Variants in ARHGAP42 observed in about 807,000 individuals in gnomAD.
ARHGAP42 encodes the protein rho GTPase-activating protein 42.
ARHGAP42 carries 63 observed loss-of-function variants against 125.0 expected under a neutral mutation model. The ratio of observed to expected loss-of-function variants is 0.50; its 90% CI spans 0.41 to 0.62. The LOEUF (loss-of-function observed/expected upper bound fraction) is 0.62. Ranked by LOEUF, ARHGAP42 falls within the 20% of genes least tolerant of loss-of-function variation. The pLI, the probability that ARHGAP42 is intolerant of heterozygous loss-of-function variation, is 0.00. For synonymous variants in ARHGAP42, 339 were observed against 351.0 expected, an observed-to-expected ratio of 0.97 and a Z score of 0.38; for missense variants, 766 against 1,024.2, an observed-to-expected ratio of 0.75 and a Z score of 3.44.
intron 1 of ARHGAP42, among the ~76,000 whole-genome samples, chr11:100,744,222 G>A (rs1367800341): frequency 6.6e-6 from 1 of 152,212 alleles, no homozygotes; most frequent in Non-Finnish European, 1.5e-5. Flanking sequence ...ACCCGCCTCA[G>A]CCTCCCAAAG....
intron 1 of ARHGAP42, among the ~76,000 whole-genome samples, chr11:100,765,657 A>T (rs1373239737): frequency 1.3e-5 from 2 of 152,182 alleles, no homozygotes; most frequent in Non-Finnish European, 2.9e-5. Context: ...TCACACCCCT[A>T]CTGGACTGTG....
At chr11:100,980,051 CTT>C (rs1002214189) in intron 22 of ARHGAP42, among the ~76,000 whole-genome samples, 3 of 152,140 alleles carry the variant, frequency 2.0e-5, no homozygotes, top group African/African-American at 7.2e-5. Context: ...TTCAAACTCT[CTT>C]TGGTTTTGTT....
At chr11:100,923,568 G>A (rs994001263) in intron 6 of ARHGAP42, among the ~76,000 whole-genome samples, 5 of 151,302 alleles carry the variant, frequency 3.3e-5, no homozygotes, top group South Asian at 2.1e-4. Context: ...AAAAATGTTC[G>A]TTCACAGGTG....
intron 1 of ARHGAP42, among the ~76,000 whole-genome samples, chr11:100,693,079 T>A: frequency 6.6e-6 from 1 of 152,124 alleles, no homozygotes; most frequent in East Asian, 1.9e-4. Flanking sequence ...GTTACTGCCC[T>A]ATTTACTTGG....
intron 4 of ARHGAP42, among the ~76,000 whole-genome samples, chr11:100,911,980 G>T (rs915513226): frequency 1.4e-4 from 21 of 152,120 alleles, no homozygotes; most frequent in African/African-American, 4.6e-4. Flanking sequence ...TAAAAGTGAT[G>T]TGAACTCTTA....
intron 1 of ARHGAP42, among the ~76,000 whole-genome samples, chr11:100,750,616 G>T (rs1418052742): frequency 6.6e-6 from 1 of 151,292 alleles, no homozygotes; most frequent in Non-Finnish European, 1.5e-5. Context: ...AACTAATTAC[G>T]ATTGGCTAAT....
At position 100,989,706 on chromosome 11, in the gene ARHGAP42, C is replaced by T. The variant is rs188346523; in HGVS notation, c.*905C>T. 6.6e-6 allele frequency: 1 copy of T among 152,190 alleles called. No individual in the cohort carries two copies. Among genetic ancestry groups the T allele is most frequent in the Non-Finnish European group, 1.5e-5 (1 of 68,034 alleles). 9.4% of individuals were successfully genotyped at this position (152,190 alleles called of 1,614,324 possible). A position where few individuals can be genotyped will look rare whatever the true frequency, so the allele number is the denominator to read the frequency against. Reference sequence around the variant, plus strand: ...CAATGATGGGGAAACTGTAAAACTACAGTATCAAGGCATACAACTTAAATT... The same window carrying T: ...CAATGATGGGGAAACTGTAAAACTATAGTATCAAGGCATACAACTTAAATT... On this transcript the variant is annotated 3_prime_UTR_variant, in exon 24 of 24. Coordinates refer to ENST00000298815, the MANE Select transcript of ARHGAP42 (RefSeq NM_152432.4).
chr11:100,884,364 A>G (rs1866033891), intron 4 of ARHGAP42, among the ~76,000 whole-genome samples: 1 of 152,102 alleles, frequency 6.6e-6, no homozygotes, highest in Admixed American at 6.6e-5. Flanking sequence ...TTCAATTCTT[A>G]ACTGTTCCAA....
chr11:100,929,007 C>G (rs923420488), intron 6 of ARHGAP42, among the ~76,000 whole-genome samples: 1 of 152,106 alleles, frequency 6.6e-6, no homozygotes, highest in African/African-American at 2.4e-5. Context: ...TTTTGCTTAT[C>G]CAAATATTAG....
At chr11:100,756,859 A>T (rs1862590621) in intron 1 of ARHGAP42, among the ~76,000 whole-genome samples, 1 of 152,236 alleles carries the variant, frequency 6.6e-6, no homozygotes, top group African/African-American at 2.4e-5. Flanking sequence ...TTAATGGCTC[A>T]AATAAACAGC....
intron 1 of ARHGAP42, 88 bp downstream of exon 1, chr11:100,687,920 G>A: frequency 7.2e-7 from 1 of 1,395,250 alleles, no homozygotes; most frequent in Non-Finnish European, 9.6e-7. Context: ...AGGAGTCGGA[G>A]CTTCTTTTGT....
At chr11:100,794,389 A>T (rs1056346529) in intron 2 of ARHGAP42, among the ~76,000 whole-genome samples, 19 of 152,194 alleles carry the variant, frequency 1.2e-4, no homozygotes, top group African/African-American at 4.6e-4. Flanking sequence ...TACTAAAAGT[A>T]AAGCAATATA....
chr11:100,988,064 G>T (rs1858731614), intron 23 of ARHGAP42, among the ~76,000 whole-genome samples: 1 of 152,112 alleles, frequency 6.6e-6, no homozygotes, highest in Non-Finnish European at 1.5e-5. Flanking sequence ...GGAGGCGGAG[G>T]TTGCAGTGAG....
rs7107771 is a variant in ARHGAP42 at position 100,917,116 on chromosome 11, G to A, written c.486+3563G>A. Among the ~76,000 whole-genome samples, 1,105 of 151,688 alleles carry A rather than the reference G, an allele frequency of 7.3e-3. 18 individuals are homozygous for A. Among genetic ancestry groups the A allele is most frequent in the African/African-American group, 0.025 (1,032 of 41,372 alleles). The stretch of plus-strand genomic sequence containing the variant: ...ACTATCTTCACATTTCTCTGTCATA[G>A]TAACAAATAATAAATAAGCTTACAA... On this transcript the variant is annotated intron_variant, in intron 5 of 23. Transcript: ENST00000298815.
intron 22 of ARHGAP42, among the ~76,000 whole-genome samples, chr11:100,983,013 G>A (rs1468898199): frequency 1.3e-5 from 2 of 152,152 alleles, no homozygotes; most frequent in African/African-American, 4.8e-5. Context: ...TAATGAAGAA[G>A]TAAGTTAAAA....
intron 4 of ARHGAP42, among the ~76,000 whole-genome samples, chr11:100,875,378 C>T (rs900792543): frequency 6.6e-6 from 1 of 151,834 alleles, no homozygotes; most frequent in African/African-American, 2.4e-5. Context: ...AGGGCTGGGG[C>T]TAGGGGTGGG....
chr11:100,738,969 G>A (rs868060731), intron 1 of ARHGAP42, among the ~76,000 whole-genome samples: 3 of 152,192 alleles, frequency 2.0e-5, no homozygotes, highest in Admixed American at 1.3e-4. Context: ...TATAAAGAAA[G>A]CATGTATTTC....
intron 3 of ARHGAP42, among the ~76,000 whole-genome samples, chr11:100,852,422 C>T (rs774115531): frequency 3.9e-5 from 6 of 152,028 alleles, no homozygotes; most frequent in Admixed American, 2.6e-4. Context: ...TAATTTATAA[C>T]AGATGAATGA....
At chr11:100,891,356 T>C (rs969686244) in intron 4 of ARHGAP42, among the ~76,000 whole-genome samples, 2 of 152,086 alleles carry the variant, frequency 1.3e-5, no homozygotes, top group African/African-American at 4.8e-5. Context: ...ATTACCCGTC[T>C]GCATGCCAGG....
Sources: gnomAD v4.1 joint callset for allele counts (sites outside exome capture counted in the v4.1 genomes callset) on GRCh38, gnomAD v4.1.1 for gene constraint, MANE v1.5 for transcripts, NCBI Gene and HGNC (gene_info 2026-07-23, HGNC 2026-07-21) for gene names.